NDEL1: variants seen among roughly 807,000 people sequenced by gnomAD.
The protein encoded by NDEL1 is nuclear distribution protein nudE-like 1.
In NDEL1, 9 loss-of-function variants were observed where a neutral mutation model predicts 45.7. That is an observed-to-expected ratio of 0.20 (90% confidence interval 0.12 to 0.34). The LOEUF (loss-of-function observed/expected upper bound fraction) is 0.34, where lower values mean the gene tolerates loss of function less well. Ranked by LOEUF, NDEL1 falls within the 10% of genes least tolerant of loss-of-function variation. NDEL1 has a pLI of 1.00. For synonymous variants in NDEL1, 133 were observed against 158.6 expected, an observed-to-expected ratio of 0.84 and a Z score of 1.21; for missense variants, 306 against 406.2, an observed-to-expected ratio of 0.75 and a Z score of 2.12.
intron 6 of NDEL1, among the ~76,000 whole-genome samples, chr17:8,454,586 A>G (rs1437077165): frequency 2.0e-5 from 3 of 152,310 alleles, no homozygotes; most frequent in South Asian, 4.1e-4. Flanking sequence ...TCCTTGTAGC[A>G]TTACTTATAA....
At chr17:8,473,138 G>T (rs1911922627), downstream of NDEL1, among the ~76,000 whole-genome samples, 1 of 152,144 alleles carries the variant, frequency 6.6e-6, no homozygotes, top group Non-Finnish European at 1.5e-5. Context: ...ACGCTGAGTA[G>T]TTGGGAAACT....
At chr17:8,473,780 C>T (rs993874652) in intron 3 of NDEL1, among the ~76,000 whole-genome samples, 2 of 152,240 alleles carry the variant, frequency 1.3e-5, no homozygotes, top group Admixed American at 1.3e-4. Flanking sequence ...GTATTTCTCT[C>T]ATCCTAGTTG....
At chr17:8,435,291 A>G (rs1567724051), upstream of NDEL1, among the ~76,000 whole-genome samples, 1 of 152,188 alleles carries the variant, frequency 6.6e-6, no homozygotes, top group Admixed American at 6.5e-5. Flanking sequence ...CCATTCATTC[A>G]TTCATCAAAT....
downstream of NDEL1, among the ~76,000 whole-genome samples, chr17:8,470,947 G>A (rs1911819660): frequency 6.6e-6 from 1 of 152,222 alleles, no homozygotes. This position sits in a 1 kb window ranked among gnomAD's most constrained non-coding sequence, Gnocchi z 4.2. Flanking sequence ...CAAGGTGGAA[G>A]CTGGCACTTC....
chr17:8,426,760 G>A (rs982537131), intron 1 of NDEL1, among the ~76,000 whole-genome samples: 1 of 152,124 alleles, frequency 6.6e-6, no homozygotes, highest in South Asian at 2.1e-4. Context: ...AGGGTATCAA[G>A]TTCCATCAAT....
rs755251030 is a variant in NDEL1 at position 8,435,888 on chromosome 17, C to G, written c.-170C>G. On this transcript the variant is annotated 5_prime_UTR_variant, in exon 1 of 9. Transcript: ENST00000334527. Reference sequence around the variant, plus strand: ...AATGGCCTCGGACACCCAGGCAGTCCCTGACGTGTCGGGGAGGAGCCGGGC... The same window carrying G: ...AATGGCCTCGGACACCCAGGCAGTCGCTGACGTGTCGGGGAGGAGCCGGGC... 8.0e-5 allele frequency: 36 copies of G among 447,660 alleles called. No homozygotes were observed. The highest frequency in any genetic ancestry group is 1.4e-4 in the Admixed American group (6 of 42,206). The allele number at this position is 447,660 out of a possible 1,614,324, so 27.7% of individuals were successfully genotyped here. A position where few individuals can be genotyped will look rare whatever the true frequency, so the allele number is the denominator to read the frequency against.
chr17:8,444,474 A>T, intron 2 of NDEL1, 117 bp downstream of exon 2: 2 of 682,024 alleles, frequency 2.9e-6, no homozygotes, highest in East Asian at 5.4e-5. Flanking sequence ...TTAGGATTCT[A>T]GGATTGAGAT....
chr17:8,444,932 A>C (rs1015245100), intron 2 of NDEL1: 2 of 152,158 alleles, frequency 1.3e-5, no homozygotes, highest in Admixed American at 6.5e-5. Context: ...ATATTGATAC[A>C]TTTTCCTATT....
At chr17:8,436,897 G>C (rs1909384387) in intron 1 of NDEL1, among the ~76,000 whole-genome samples, 1 of 152,198 alleles carries the variant, frequency 6.6e-6, no homozygotes, top group African/African-American at 2.4e-5. Context: ...GAGTGGTTTA[G>C]CTTGGATCAT....
chr17:8,422,669 C>T (rs977985232), intron 1 of NDEL1, among the ~76,000 whole-genome samples: 10 of 152,158 alleles, frequency 6.6e-5, no homozygotes, highest in Non-Finnish European at 1.3e-4. Flanking sequence ...GAAGTCCCGT[C>T]GCCTAATTTT....
intron 3 of NDEL1, 80 bp from the exon 4 acceptor site, chr17:8,446,674 A>C (rs199972977): frequency 2.4e-6 from 3 of 1,273,298 alleles, no homozygotes; most frequent in African/African-American, 1.5e-5. Context: ...GTTCCCCCCC[A>C]CCCTTTTAAC....
Position 8,419,675 on chromosome 17 carries a change from T to C in NDEL1, c.-13+6406T>C, listed in dbSNP as rs1180293421. On this transcript the variant is annotated intron_variant, in intron 1 of 4. Transcript: ENST00000582812. Reference sequence around the variant, plus strand: ...ACCATGTATCTGCTTAGCATTCTCTTTTTTTGGGGGAAAAAGGAAAAAGGT... The same window carrying C: ...ACCATGTATCTGCTTAGCATTCTCTCTTTTTGGGGGAAAAAGGAAAAAGGT... Among the ~76,000 whole-genome samples the C allele has an allele frequency of 2.6e-5, 4 of 152,164 alleles. No homozygotes were observed. The South Asian group carries it at 8.3e-4, about 32-fold the overall frequency.
intron 7 of NDEL1, among the ~76,000 whole-genome samples, chr17:8,458,169 C>T (rs1225550441): frequency 2.0e-5 from 3 of 151,502 alleles, no homozygotes; most frequent in Admixed American, 6.6e-5. Context: ...CAACACTGAC[C>T]GTTTTTTTTT....
chr17:8,469,041 T>C (rs1216155698), downstream of NDEL1, among the ~76,000 whole-genome samples: 3 of 152,118 alleles, frequency 2.0e-5, no homozygotes, highest in Non-Finnish European at 4.4e-5. Context: ...ATAAGAACTA[T>C]TAAGTAGGAT....
intron 1 of NDEL1, among the ~76,000 whole-genome samples, chr17:8,428,840 A>C (rs1908926058): frequency 6.6e-6 from 1 of 151,270 alleles, no homozygotes; most frequent in Admixed American, 6.6e-5. Flanking sequence ...CGCCCGGCTA[A>C]TTTTTTGTAT....
At chr17:8,432,012 A>C (rs1039289948), upstream of NDEL1, 5 of 151,456 alleles carry the variant, frequency 3.3e-5, no homozygotes, top group Non-Finnish European at 7.4e-5. Context: ...GGCACATGCC[A>C]TCACATTCAG....
chr17:8,438,105 C>T (rs560443306), intron 1 of NDEL1, among the ~76,000 whole-genome samples: 2 of 152,152 alleles, frequency 1.3e-5, no homozygotes, highest in African/African-American at 2.4e-5. Flanking sequence ...ATTACAGGTG[C>T]GCACCACGAT....
At chr17:8,435,005 G>A (rs1909176024), upstream of NDEL1, among the ~76,000 whole-genome samples, 1 of 152,170 alleles carries the variant, frequency 6.6e-6, no homozygotes, top group East Asian at 1.9e-4. Flanking sequence ...GGGAGGCGGA[G>A]GTTGCAGTGA....
intron 3 of NDEL1, among the ~76,000 whole-genome samples, chr17:8,473,212 C>T (rs377317691): frequency 6.6e-6 from 1 of 151,508 alleles, no homozygotes; most frequent in South Asian, 2.1e-4. Context: ...GAGACGGAGT[C>T]GCCCTTCTCT....
Sources: gnomAD v4.1 joint callset for allele counts (sites outside exome capture counted in the v4.1 genomes callset) on GRCh38, gnomAD v4.1.1 for gene constraint, Gnocchi (gnomAD v3.1) non-coding constraint, MANE v1.5 for transcripts, NCBI Gene and HGNC (gene_info 2026-07-23, HGNC 2026-07-21) for gene names.